The following CPZ variants were observed in gnomAD, a reference collection of about 807,000 sequenced individuals.
CPZ encodes VEZT/CPZ fusion.
Under a neutral mutation model 61.8 loss-of-function variants are expected in CPZ, and 103 were observed. The ratio of observed to expected loss-of-function variants is 1.67; its 90% CI spans 1.42 to 1.96. The LOEUF is 1.96. Ranked by LOEUF, CPZ falls within the 30% of genes most tolerant of loss-of-function variation. The pLI is 0.00. For missense variants in CPZ, 1,461 were observed against 914.9 expected, an observed-to-expected ratio of 1.60 and a Z score of -7.70; for synonymous variants, 551 against 373.7, an observed-to-expected ratio of 1.47 and a Z score of -5.47.
chr4:8,612,232 G>A, intron 8 of CPZ, 70 bp downstream of exon 8: 1 of 378,872 alleles, frequency 2.6e-6, no homozygotes, highest in South Asian at 3.8e-5. Flanking sequence ...CAGGGGCAAG[G>A]CGTAACTCCA....
intron 10 of CPZ, 33 bp from the exon 11 acceptor site, chr4:8,619,229 C>G: frequency 6.4e-7 from 1 of 1,557,710 alleles, no homozygotes; most frequent in Non-Finnish European, 8.7e-7. Flanking sequence ...CTGCAGTCCT[C>G]GTGAGAATCA....
chr4:8,614,776 G>T (rs1035629607), intron 9 of CPZ, among the ~76,000 whole-genome samples: 1 of 152,148 alleles, frequency 6.6e-6, no homozygotes, highest in Non-Finnish European at 1.5e-5. Flanking sequence ...TTAAACAAGG[G>T]AGCATGGGCC....
intron 7 of CPZ, among the ~76,000 whole-genome samples, chr4:8,608,323 T>A (rs1211633421): frequency 6.6e-6 from 1 of 152,036 alleles, no homozygotes; most frequent in South Asian, 2.1e-4. Context: ...GCACTTTCCC[T>A]TGGTGTTTGG....
At chr4:8,603,700 C>T (rs1270034637) in intron 3 of CPZ, 1 of 533,788 alleles carries the variant, frequency 1.9e-6, no homozygotes, top group South Asian at 2.2e-5. Flanking sequence ...TGTTGTCCTG[C>T]TCCGTATTTT....
chr4:8,618,403 C>T, intron 9 of CPZ, 26 bp from the exon 10 acceptor site: 5 of 1,610,934 alleles, frequency 3.1e-6, no homozygotes, highest in Non-Finnish European at 3.4e-6. Flanking sequence ...CACGCCATCT[C>T]CCTGGCCTCC....
At chr4:8,612,196 GTGGGGGGTGCAGGGGC>G in intron 8 of CPZ, 34 bp downstream of exon 8, 4 of 378,606 alleles carry the variant, frequency 1.1e-5, no homozygotes, top group Non-Finnish European at 1.8e-5. Flanking sequence ...TGGGCGGGGG[GTGGGGGGTGCAGGGGC>G]TGGGTGGGGC....
chr4:8,619,725 A>C lies in CPZ; in HGVS notation c.*108A>C. On this transcript the variant is annotated 3_prime_UTR_variant, in exon 11 of 11. Transcript: ENST00000360986. ...ACAGACATCCCACAAAGCCGCTGCC[A>C]TTTTATTAAAGTGTTTTGATCCACT... The C allele has an allele frequency of 1.2e-6, 1 of 838,410 alleles. No homozygotes were observed. Among genetic ancestry groups the C allele is most frequent in the Non-Finnish European group, 1.7e-6 (1 of 573,996 alleles). The allele number at this position is 838,410 out of a possible 1,614,324, so 51.9% of individuals were successfully genotyped here.
intron 7 of CPZ, chr4:8,611,017 C>T: frequency 2.8e-6 from 1 of 357,800 alleles, no homozygotes. Context: ...CTCACTCATT[C>T]ACTCATTCCC....
At position 8,618,495 on chromosome 4, in the gene CPZ, T is replaced by A. The variant is rs1300021415; in HGVS notation, c.1570T>A (p.Ser524Thr). 6.2e-7 allele frequency: 1 copy of A among 1,613,898 alleles called. No individual in the cohort carries two copies. Among genetic ancestry groups the A allele is most frequent in the Admixed American group, 1.7e-5 (1 of 60,000 alleles). The change falls in exon 10 of 11, where the codon TCA (serine) becomes ACA (threonine). Residue 524 changes from serine to threonine, a missense_variant. Physicochemically the swap from Ser to Thr is moderately conservative, Grantham distance 58 (BLOSUM62 1). Transcript: ENST00000360986. Reference sequence around the variant, plus strand: ...CAAGCCAGTCAAAAACGCCCGGATCTCAGTCAAAGGCATTCGCCACGACAT... The same window carrying A: ...CAAGCCAGTCAAAAACGCCCGGATCACAGTCAAAGGCATTCGCCACGACAT... ...FGKPVKNARI[S>T]VKGIRHDITT... is the part of the protein sequence containing the mutation.
chr4:8,608,965 T>G (rs1210252870), intron 7 of CPZ, among the ~76,000 whole-genome samples: 1 of 141,088 alleles, frequency 7.1e-6, no homozygotes, highest in Admixed American at 7.2e-5. Flanking sequence ...GCATTTGTCC[T>G]GCATTTGTTC....
At chr4:8,614,923 AG>A (rs1331417077) in intron 9 of CPZ, among the ~76,000 whole-genome samples, 1 of 151,720 alleles carries the variant, frequency 6.6e-6, no homozygotes, top group African/African-American at 2.4e-5. Flanking sequence ...AGCAGAGGGG[AG>A]CATGCTAGAA....
chr4:8,613,460 G>A (rs942378082), intron 8 of CPZ, among the ~76,000 whole-genome samples: 5 of 152,184 alleles, frequency 3.3e-5, no homozygotes, highest in Non-Finnish European at 7.3e-5. Context: ...TACGGCCCTG[G>A]GAAAGCATGA....
chr4:8,614,247 C>T (rs558106693), intron 8 of CPZ, 112 bp from the exon 9 acceptor site: 46 of 1,424,064 alleles, frequency 3.2e-5, no homozygotes, highest in African/African-American at 1.8e-4. Context: ...GCTGTCTCTG[C>T]GCGGCTGACA....
At chr4:8,598,018 A>T (rs1714306370) in intron 1 of CPZ, among the ~76,000 whole-genome samples, 1 of 152,242 alleles carries the variant, frequency 6.6e-6, no homozygotes, top group Middle Eastern at 3.4e-3. Flanking sequence ...GCCAGCTTGG[A>T]CAGGGAGGGA....
chr4:8,606,942 A>G (rs1259395124), intron 6 of CPZ, 44 bp downstream of exon 6: 1 of 1,541,278 alleles, frequency 6.5e-7, no homozygotes, highest in Non-Finnish European at 8.8e-7. Flanking sequence ...CAAGGCATCC[A>G]GGGGTCCCTA....
intron 10 of CPZ, among the ~76,000 whole-genome samples, chr4:8,618,990 G>C (rs1008293697): frequency 2.0e-5 from 3 of 152,110 alleles, no homozygotes; most frequent in Non-Finnish European, 4.4e-5. Flanking sequence ...AGAGAAGAGG[G>C]GGACTTTTGC....
At chr4:8,602,877 C>A (rs928346184) in intron 3 of CPZ, 8 of 152,318 alleles carry the variant, frequency 5.3e-5, no homozygotes, top group African/African-American at 1.4e-4. Flanking sequence ...AAGGGTGGAC[C>A]CTGGGCTCCC....
At chr4:8,605,399 T>C (rs1304158705) in intron 4 of CPZ, among the ~76,000 whole-genome samples, 1 of 150,438 alleles carries the variant, frequency 6.6e-6, no homozygotes, top group Non-Finnish European at 1.5e-5. Flanking sequence ...CATTCATTCA[T>C]ACATCCATGC....
At chr4:8,612,221 G>GGGGGGGGGGGGGGGGGGGC (rs2109339311) in intron 8 of CPZ, 59 bp downstream of exon 8, 21 of 206,190 alleles carry the variant, frequency 1.0e-4, no homozygotes, top group Middle Eastern at 2.0e-3. Context: ...GCTGGGTGGG[G>GGGGGGGGGGGGGGGGGGGC]CAGGGGCAAG....
Sources: allele counts gnomAD v4.1 joint callset (sites outside exome capture counted in the v4.1 genomes callset), GRCh38; gene constraint gnomAD v4.1.1; transcripts MANE v1.5; gene names NCBI Gene and HGNC (gene_info 2026-07-23, HGNC 2026-07-21).